The following COLEC12 variants were observed in gnomAD, a reference collection of about 807,000 sequenced individuals.
COLEC12 encodes collectin-12.
A neutral mutation model predicts 71.1 loss-of-function variants in COLEC12; 33 were observed. The ratio of observed to expected loss-of-function variants is 0.46; its 90% CI spans 0.35 to 0.62. The LOEUF is 0.62. Ranked by LOEUF, COLEC12 falls within the 20% of genes least tolerant of loss-of-function variation. The pLI is 0.00. For synonymous variants in COLEC12, 350 were observed against 353.0 expected, an observed-to-expected ratio of 0.99 and a Z score of 0.10; for missense variants, 765 against 916.1, an observed-to-expected ratio of 0.84 and a Z score of 2.13.
At chr18:389,312 G>A (rs989561065) in intron 2 of COLEC12, among the ~76,000 whole-genome samples, 2 of 147,874 alleles carry the variant, frequency 1.4e-5, no homozygotes, top group African/African-American at 5.0e-5. Context: ...GGAGCATAGT[G>A]GCACGATCTA....
chr18:330,920 C>T (rs1251085572), intron 8 of COLEC12, among the ~76,000 whole-genome samples: 3 of 142,842 alleles, frequency 2.1e-5, no homozygotes, highest in Non-Finnish European at 3.0e-5. Context: ...TGCTCTGTGG[C>T]CCAGGCTGGA....
rs1343043498 is a variant in COLEC12 at position 347,163 on chromosome 18, C to G, written c.459G>C (p.Leu153Phe). ...GDALVDRQSQLKETLENNSFL... is the reference protein window; with the variant it reads ...GDALVDRQSQFKETLENNSFL... ...AAGAGTTATTCTCCAAAGTTTCTTT[C>G]AATTGACTCTGCCTGTCCACCAGAG... The change falls in exon 5 of 10, where the codon TTG (leucine) becomes TTC (phenylalanine). Residue 153 changes from leucine to phenylalanine, a missense_variant. Physicochemically the swap from Leu to Phe is conservative, Grantham distance 22. Transcript: ENST00000400256. The G allele has an allele frequency of 4.3e-6, 7 of 1,614,164 alleles. No homozygotes were observed. The highest frequency in any genetic ancestry group is 5.1e-6 in the Non-Finnish European group (6 of 1,180,028).
chr18:359,277 C>T (rs1304211391), intron 2 of COLEC12, among the ~76,000 whole-genome samples: 1 of 152,168 alleles, frequency 6.6e-6, no homozygotes, highest in Non-Finnish European at 1.5e-5. Context: ...TTGGCAAACA[C>T]CGCGAATTAG....
chr18:448,757 T>C (rs948898336), intron 2 of COLEC12, among the ~76,000 whole-genome samples: 3 of 152,230 alleles, frequency 2.0e-5, no homozygotes, highest in African/African-American at 7.2e-5. Flanking sequence ...AAGAATTTTT[T>C]TGAACAGATC....
intron 3 of COLEC12, among the ~76,000 whole-genome samples, chr18:351,936 T>A (rs191330126): frequency 6.6e-6 from 1 of 152,268 alleles, no homozygotes; most frequent in East Asian, 1.9e-4. Flanking sequence ...CACCTTGGCC[T>A]CCCAAAGTGC....
Position 362,267 on chromosome 18 carries a change from C to T in COLEC12, c.59-4745G>A, listed in dbSNP as rs1914763581. 6.6e-6 allele frequency among the ~76,000 whole-genome samples: 1 copy of T among 152,214 alleles called. No individual in the cohort carries two copies. The highest frequency in any genetic ancestry group is 1.5e-5 in the Non-Finnish European group (1 of 68,038). The stretch of plus-strand genomic sequence containing the variant: ...GACTCTATCAGCATTTAATCAATAT[C>T]AGATGGCACTGCCTGGCCTCCCTTT... On this transcript the variant is annotated intron_variant, in intron 2 of 9. Coordinates refer to ENST00000400256, the MANE Select transcript of COLEC12 (RefSeq NM_130386.3). The surrounding 1 kb of genome is among the most constrained non-coding windows in gnomAD (Gnocchi z 4.6).
chr18:329,045 G>A (rs1913910406), intron 8 of COLEC12, among the ~76,000 whole-genome samples: 1 of 152,198 alleles, frequency 6.6e-6, no homozygotes, highest in Non-Finnish European at 1.5e-5. Flanking sequence ...CAGAAGCTGA[G>A]GATTTGGGAG....
chr18:470,220 A>ATTTTTTTTTTTTTTT (rs71174234), intron 2 of COLEC12, among the ~76,000 whole-genome samples: 1 of 92,354 alleles, frequency 1.1e-5, no homozygotes, highest in African/African-American at 4.4e-5. Flanking sequence ...AGGCCAGGAA[A>ATTTTTTTTTTTTTTT]TTTTTTTTTT....
At chr18:386,714 G>A (rs981152789) in intron 2 of COLEC12, among the ~76,000 whole-genome samples, 5 of 152,190 alleles carry the variant, frequency 3.3e-5, no homozygotes, top group African/African-American at 1.2e-4. Flanking sequence ...TGGGAACCAG[G>A]CAGACCTGAA....
At chr18:426,134 C>G (rs758099102) in intron 2 of COLEC12, among the ~76,000 whole-genome samples, 1 of 152,174 alleles carries the variant, frequency 6.6e-6, no homozygotes, top group Non-Finnish European at 1.5e-5. Flanking sequence ...TTTAGACTAC[C>G]ACTACTATTT....
chr18:359,433 G>T (rs1252584417), intron 2 of COLEC12, among the ~76,000 whole-genome samples: 3 of 152,112 alleles, frequency 2.0e-5, no homozygotes, highest in Non-Finnish European at 4.4e-5. Flanking sequence ...ATGTATACAA[G>T]AAACAGACAG....
In COLEC12 at chr18:480,688, C is replaced by T; in HGVS notation, c.58+19G>A. On this transcript the variant is annotated intron_variant, in intron 2 of 9. Coordinates refer to ENST00000400256, the MANE Select transcript of COLEC12 (RefSeq NM_130386.3). This position sits in a 1 kb window ranked among gnomAD's most constrained non-coding sequence, Gnocchi z 4.1. ...CCAGGTTGACCACTGAGAAGGAACA[C>T]AGCTTTGTTAGGACTCACCAAACCG... The T allele has an allele frequency of 6.2e-7, 1 of 1,612,280 alleles. No homozygotes were observed. The highest frequency in any genetic ancestry group is 8.5e-7 in the Non-Finnish European group (1 of 1,178,262).
Position 500,496 on chromosome 18 carries a change from C to T in COLEC12, c.7+12G>A. ...CCCCGCCCAGAGCCCCGCGGAGCTG[C>T]CGCCGCCCTACCTTTCATGGTGACC... On this transcript the variant is annotated intron_variant, in intron 1 of 9. Coordinates refer to ENST00000400256, the MANE Select transcript of COLEC12 (RefSeq NM_130386.3). The surrounding 1 kb of genome is among the most constrained non-coding windows in gnomAD (Gnocchi z 5.3). The T allele has an allele frequency of 1.6e-6, 2 of 1,228,620 alleles. No individual in the cohort carries two copies. The highest frequency in any genetic ancestry group is 3.8e-5 in the South Asian group (1 of 26,604). The allele number at this position is 1,228,620 out of a possible 1,614,324, so 76.1% of individuals were successfully genotyped here.
intron 1 of COLEC12, among the ~76,000 whole-genome samples, chr18:485,339 G>A (rs1917499977): frequency 1.3e-5 from 2 of 152,164 alleles, no homozygotes; most frequent in South Asian, 4.1e-4. Context: ...TAAGGACTTG[G>A]TTAAGATTTA....
At position 362,273 on chromosome 18, in the gene COLEC12, G is replaced by A. The variant is rs899907036; in HGVS notation, c.59-4751C>T. On this transcript the variant is annotated intron_variant, in intron 2 of 9. Transcript: ENST00000400256. The surrounding 1 kb of genome is among the most constrained non-coding windows in gnomAD (Gnocchi z 4.6). ...ATCAGCATTTAATCAATATCAGATG[G>A]CACTGCCTGGCCTCCCTTTCCACTT... Among the ~76,000 whole-genome samples the A allele has an allele frequency of 1.3e-5, 2 of 152,110 alleles. No homozygotes were observed. The highest frequency in any genetic ancestry group is 4.8e-5 in the African/African-American group (2 of 41,406).
intron 2 of COLEC12, among the ~76,000 whole-genome samples, chr18:373,330 C>T (rs1393744603): frequency 6.6e-6 from 1 of 152,206 alleles, no homozygotes; most frequent in African/African-American, 2.4e-5. Context: ...CAACTTCTCC[C>T]ACGAGGCTTT....
chr18:361,311 G>A (rs899885604), intron 2 of COLEC12, among the ~76,000 whole-genome samples: 4 of 152,006 alleles, frequency 2.6e-5, no homozygotes, highest in South Asian at 2.1e-4. Flanking sequence ...TAGATGCCAC[G>A]ATCTCTCCAC....
intron 2 of COLEC12, among the ~76,000 whole-genome samples, chr18:449,680 C>T (rs1273769500): frequency 1.3e-5 from 2 of 152,202 alleles, no homozygotes; most frequent in African/African-American, 2.4e-5. Context: ...TGATTCCTGC[C>T]GAGGCCACAC....
intron 8 of COLEC12, 145 bp downstream of exon 8, chr18:331,523 T>A (rs990948932): frequency 3.6e-6 from 2 of 556,678 alleles, no homozygotes; most frequent in Non-Finnish European, 6.5e-6. Flanking sequence ...CCAGGGGAAA[T>A]ATGCAACTGG....
Sources: gnomAD v4.1 joint callset for allele counts (sites outside exome capture counted in the v4.1 genomes callset) on GRCh38, gnomAD v4.1.1 for gene constraint, Gnocchi (gnomAD v3.1) non-coding constraint, MANE v1.5 for transcripts, NCBI Gene and HGNC (gene_info 2026-07-23, HGNC 2026-07-21) for gene names.